Variants in PREX2 observed in about 807,000 individuals in gnomAD.
PREX2 encodes phosphatidylinositol 3,4,5-trisphosphate-dependent Rac exchanger 2 protein.
Under a neutral mutation model 203.2 loss-of-function variants are expected in PREX2, and 107 were observed. The ratio of observed to expected loss-of-function variants is 0.53; its 90% CI spans 0.45 to 0.62. The LOEUF (loss-of-function observed/expected upper bound fraction) is 0.62. Among genes scored for constraint, PREX2 ranks in the 20% least tolerant of loss-of-function variants. The probability of loss-of-function intolerance (pLI) is 0.00; values close to 1 mark genes in which losing one functional copy is unlikely to be tolerated. For missense variants in PREX2, 1,777 were observed against 1,955.9 expected, an observed-to-expected ratio of 0.91 and a Z score of 1.72; for synonymous variants, 672 against 663.6, an observed-to-expected ratio of 1.01 and a Z score of -0.19.
At chr8:68,158,968 G>A (rs1481089183) in intron 35 of PREX2, among the ~76,000 whole-genome samples, 1 of 152,030 alleles carries the variant, frequency 6.6e-6, no homozygotes, top group East Asian at 1.9e-4. Flanking sequence ...CGTCAATTTA[G>A]TTTCATCAGA....
chr8:67,952,671 C>A, intron 1 of PREX2, 136 bp downstream of exon 1: 1 of 1,212,096 alleles, frequency 8.3e-7, no homozygotes, highest in Non-Finnish European at 1.2e-6. Context: ...CGCGGGAATC[C>A]ACGTGTGGAC....
intron 1 of PREX2, among the ~76,000 whole-genome samples, chr8:67,985,996 G>T (rs1435321419): frequency 6.6e-6 from 1 of 152,200 alleles, no homozygotes; most frequent in Non-Finnish European, 1.5e-5. Flanking sequence ...GTTGTAGAAA[G>T]ATCTCAGGCC....
intron 1 of PREX2, among the ~76,000 whole-genome samples, chr8:67,990,118 T>A (rs1438375286): frequency 6.6e-6 from 1 of 152,140 alleles, no homozygotes; most frequent in African/African-American, 2.4e-5. Context: ...CCCAGGTAGC[T>A]GGGATTACAG....
At chr8:68,037,063 TG>T (rs1453235577) in intron 6 of PREX2, among the ~76,000 whole-genome samples, 1 of 152,224 alleles carries the variant, frequency 6.6e-6, no homozygotes, top group Non-Finnish European at 1.5e-5. Context: ...TCGTTGTAGG[TG>T]TTAGTTGTCA....
At chr8:68,062,743 ATT>A (rs34067943) in intron 11 of PREX2, among the ~76,000 whole-genome samples, 33,814 of 147,196 alleles carry the variant, frequency 0.23, 4,385 homozygotes, top group African/African-American at 0.36. Context: ...CCAATGTCCT[ATT>A]TTTTTTTTTT....
At chr8:68,094,785 A>G (rs137958385) in intron 21 of PREX2, among the ~76,000 whole-genome samples, 316 of 152,270 alleles carry the variant, frequency 2.1e-3, no homozygotes, top group African/African-American at 7.3e-3. Context: ...CTACAATTCA[A>G]TTTAGTTGTA....
At chr8:68,052,988 T>C (rs1165239318) in intron 8 of PREX2, 109 bp from the exon 9 acceptor site, 1 of 885,192 alleles carries the variant, frequency 1.1e-6, no homozygotes, top group East Asian at 2.5e-5. Context: ...AGCAAAGAGA[T>C]GTTGAACAAT....
At chr8:68,000,169 A>G (rs555870929) in intron 1 of PREX2, among the ~76,000 whole-genome samples, 1 of 152,338 alleles carries the variant, frequency 6.6e-6, no homozygotes, top group South Asian at 2.1e-4. Flanking sequence ...CCCTATTTGC[A>G]GATGACATGA....
chr8:68,162,053 A>G (rs1243724008), intron 35 of PREX2, among the ~76,000 whole-genome samples: 2 of 152,188 alleles, frequency 1.3e-5, no homozygotes, highest in Non-Finnish European at 2.9e-5. Flanking sequence ...ATTCAATATC[A>G]TGAGGACAGC....
rs775450057 is a variant in PREX2 at position 68,099,888 on chromosome 8, T to C, written c.2715+45T>C. Reference sequence around the variant, plus strand: ...TATACACAATTATTGTTGAAATTATTATTTGAATGTCAAATTTAAATCAAT... The same window carrying C: ...TATACACAATTATTGTTGAAATTATCATTTGAATGTCAAATTTAAATCAAT... On this transcript the variant is annotated intron_variant, in intron 23 of 39. Transcript: ENST00000288368. The C allele has an allele frequency of 3.4e-6, 5 of 1,449,546 alleles. No homozygotes were observed. In the East Asian group the frequency reaches 9.1e-5, roughly 26 times the overall value. 89.8% of individuals were successfully genotyped at this position (1,449,546 alleles called of 1,614,324 possible).
At position 68,118,578 on chromosome 8, in the gene PREX2, G is replaced by GCAT; in HGVS notation, c.3356_3357insATC (p.Ser1120dup). The GCAT allele has an allele frequency of 6.2e-7, 1 of 1,613,846 alleles. No homozygotes were observed. The highest frequency in any genetic ancestry group is 8.5e-7 in the Non-Finnish European group (1 of 1,179,858). On this transcript the variant is annotated inframe_insertion, in exon 27 of 40. Transcript: ENST00000288368. ...CTGCAACAGCAATAGGAATTCCATC[G>GCAT]CCTCCTTCACCAGCATCTGCAGCAG...
intron 32 of PREX2, among the ~76,000 whole-genome samples, chr8:68,137,541 G>A (rs1313507750): frequency 1.3e-5 from 2 of 152,030 alleles, no homozygotes; most frequent in African/African-American, 2.4e-5. Flanking sequence ...AAAGTGCTGG[G>A]GTTACAGGTG....
chr8:68,101,864 G>A (rs142454252), intron 23 of PREX2, among the ~76,000 whole-genome samples: 188 of 152,212 alleles, frequency 1.2e-3, no homozygotes, highest in African/African-American at 4.3e-3. Context: ...AAGTATACAT[G>A]GAAAATGGTA....
chr8:68,039,981 C>G (rs1202539938), intron 7 of PREX2, among the ~76,000 whole-genome samples: 1 of 152,116 alleles, frequency 6.6e-6, no homozygotes, highest in Non-Finnish European at 1.5e-5. Context: ...ATGTTGTCAC[C>G]TTGCTCAAAG....
intron 34 of PREX2, among the ~76,000 whole-genome samples, chr8:68,148,990 A>G (rs1379124478): frequency 6.6e-6 from 1 of 152,224 alleles, no homozygotes; most frequent in African/African-American, 2.4e-5. Context: ...AATGAAAGAG[A>G]TTCCAAATGT....
chr8:68,143,702 A>T (rs1454253342), intron 33 of PREX2, among the ~76,000 whole-genome samples: 1 of 152,032 alleles, frequency 6.6e-6, no homozygotes. Context: ...ATTTGATGGG[A>T]TATAGCTTAT....
chr8:68,063,934 AAAAT>A (rs1399911726), intron 11 of PREX2, among the ~76,000 whole-genome samples: 1 of 152,224 alleles, frequency 6.6e-6, no homozygotes, highest in Admixed American at 6.5e-5. Flanking sequence ...TAGAATTCCT[AAAAT>A]AAAGTTGAAT....
intron 30 of PREX2, among the ~76,000 whole-genome samples, chr8:68,126,343 C>T (rs1482204427): frequency 6.6e-6 from 1 of 152,092 alleles, no homozygotes; most frequent in Admixed American, 6.6e-5. Context: ...CACACATATT[C>T]TCACTTATAT....
intron 1 of PREX2, among the ~76,000 whole-genome samples, chr8:67,980,810 T>C (rs73256086): frequency 0.023 from 3,492 of 152,342 alleles, 127 homozygotes; most frequent in African/African-American, 0.077. Context: ...ACCTGTTTGC[T>C]TTGCCTTCTG....
Sources: allele counts gnomAD v4.1 joint callset (sites outside exome capture counted in the v4.1 genomes callset), GRCh38; gene constraint gnomAD v4.1.1; transcripts MANE v1.5; gene names NCBI Gene and HGNC (gene_info 2026-07-23, HGNC 2026-07-21).